Variants in LGSN observed in about 807,000 individuals in gnomAD.
The protein encoded by LGSN is lengsin.
A neutral mutation model predicts 19.5 loss-of-function variants in LGSN; 21 were observed. The ratio of observed to expected loss-of-function variants is 1.07; its 90% CI spans 0.76 to 1.55. LGSN has a LOEUF of 1.55. LGSN is among the 40% of genes most tolerant of loss of function. The pLI is 0.00. For synonymous variants in LGSN, 257 were observed against 215.6 expected (o/e 1.19, Z -1.68); for missense variants, 673 against 608.5 (o/e 1.11, Z -1.12).
At chr6:63,313,746 G>T (rs1768723906) in intron 1 of LGSN, among the ~76,000 whole-genome samples, 1 of 152,034 alleles carries the variant, frequency 6.6e-6, no homozygotes, top group Non-Finnish European at 1.5e-5. Flanking sequence ...TGAGGCACAA[G>T]AATCACTTGA....
chr6:63,403,419 T>C, the LGSN span, among the ~76,000 whole-genome samples: 2 of 152,238 alleles, frequency 1.3e-5, no homozygotes, highest in South Asian at 2.1e-4. Flanking sequence ...ATTTGTAGTA[T>C]TAAATGCCTA....
intron 2 of LGSN, among the ~76,000 whole-genome samples, chr6:63,294,629 GTC>G (rs1749272803): frequency 6.6e-6 from 1 of 151,114 alleles, no homozygotes. Context: ...GCAGAAAACT[GTC>G]TCTCTTCCTA....
At chr6:63,332,606 G>C in the LGSN span, among the ~76,000 whole-genome samples, 1 of 152,166 alleles carries the variant, frequency 6.6e-6, no homozygotes, top group Non-Finnish European at 1.5e-5. Flanking sequence ...TTCCTGGAAA[G>C]CCTGACACCC....
At chr6:63,522,748 C>T in the LGSN span, among the ~76,000 whole-genome samples, 1 of 152,034 alleles carries the variant, frequency 6.6e-6, no homozygotes, top group Admixed American at 6.6e-5. Context: ...GGGGAGATAC[C>T]ATATTACTGT....
At chr6:63,449,494 G>A in the LGSN span, among the ~76,000 whole-genome samples, 6 of 149,678 alleles carry the variant, frequency 4.0e-5, no homozygotes, top group Non-Finnish European at 7.4e-5. Context: ...GCAGTGAGCC[G>A]AGATCACACC....
the LGSN span, among the ~76,000 whole-genome samples, chr6:63,376,439 TAA>T: frequency 6.6e-6 from 1 of 152,166 alleles, no homozygotes; most frequent in Non-Finnish European, 1.5e-5. Context: ...TTACAAAGGG[TAA>T]AGATTGCCTT....
chr6:63,332,665 G>C, the LGSN span, among the ~76,000 whole-genome samples: 1 of 152,106 alleles, frequency 6.6e-6, no homozygotes. Flanking sequence ...TGGCCGACAG[G>C]TGCCCGGTAT....
At chr6:63,491,532 TC>T in the LGSN span, among the ~76,000 whole-genome samples, 14 of 152,178 alleles carry the variant, frequency 9.2e-5, no homozygotes, top group African/African-American at 3.1e-4. Context: ...TCTTTTTCAA[TC>T]AAATTTAGGC....
chr6:63,306,557 A>G (rs1275001425), intron 1 of LGSN, among the ~76,000 whole-genome samples: 2 of 152,252 alleles, frequency 1.3e-5, no homozygotes, highest in Non-Finnish European at 2.9e-5. Context: ...ACATAAAAAT[A>G]AACAAAACAT....
the LGSN span, among the ~76,000 whole-genome samples, chr6:63,554,048 G>A: frequency 1.3e-5 from 2 of 152,130 alleles, no homozygotes; most frequent in Admixed American, 6.6e-5. Context: ...ATCTGAGGAG[G>A]GGAGGAGTAA....
the LGSN span, among the ~76,000 whole-genome samples, chr6:63,520,084 A>T: frequency 6.6e-6 from 1 of 152,250 alleles, no homozygotes. Flanking sequence ...TTGCGAGAAC[A>T]TAATTATCAA....
the LGSN span, among the ~76,000 whole-genome samples, chr6:63,496,739 C>T: frequency 1.3e-5 from 2 of 151,486 alleles, no homozygotes. Flanking sequence ...AAGCATGAGT[C>T]ACCATGCCCA....
intron 1 of LGSN, among the ~76,000 whole-genome samples, chr6:63,315,635 T>C (rs1389303913): frequency 6.6e-6 from 1 of 151,186 alleles, no homozygotes; most frequent in Admixed American, 6.6e-5. Flanking sequence ...TGTGTGTGTG[T>C]GTGTGTGTGT....
At chr6:63,553,330 G>A in the LGSN span, among the ~76,000 whole-genome samples, 95 of 152,192 alleles carry the variant, frequency 6.2e-4, no homozygotes, top group African/African-American at 2.0e-3. Flanking sequence ...TTAGCGACTC[G>A]GGTTCAGATA....
the LGSN span, among the ~76,000 whole-genome samples, chr6:63,391,147 T>A: frequency 7.2e-5 from 11 of 152,226 alleles, no homozygotes; most frequent in Admixed American, 4.6e-4. Flanking sequence ...ATCTCGTTTT[T>A]AAAAAATATG....
At chr6:63,346,480 T>C in the LGSN span, among the ~76,000 whole-genome samples, 1 of 152,106 alleles carries the variant, frequency 6.6e-6, no homozygotes, top group Non-Finnish European at 1.5e-5. Flanking sequence ...CCTTCCCCCA[T>C]ATCTTGCCTA....
chr6:63,536,192 G>A, the LGSN span, among the ~76,000 whole-genome samples: 2 of 152,112 alleles, frequency 1.3e-5, no homozygotes, highest in African/African-American at 2.4e-5. Flanking sequence ...TTAGCTGGGC[G>A]TGGTGGCGGG....
intron 1 of LGSN, among the ~76,000 whole-genome samples, chr6:63,313,060 T>C (rs1299254099): frequency 1.3e-5 from 2 of 151,966 alleles, no homozygotes; most frequent in African/African-American, 2.4e-5. Flanking sequence ...GTGGTTGGAA[T>C]TATTAAGGGA....
rs934695150 is a variant in LGSN, at chr6:63,285,840, T to C, written c.164-87A>G. On this transcript the variant is annotated intron_variant, in intron 2 of 3. Transcript: ENST00000370657. ...GACTGGAGACTAGTGAATTAGTCAA[T>C]ATTATTAACAAAAACATTATATATT... is the stretch of plus-strand genomic sequence containing the variant. The C allele has an allele frequency of 4.1e-6, 4 of 976,170 alleles. No individual in the cohort carries two copies. The African/African-American group carries it at 5.0e-5, about 12-fold the overall frequency. The allele number at this position is 976,170 out of a possible 1,614,324, so 60.5% of individuals were successfully genotyped here.
Sources: gnomAD v4.1 joint callset for allele counts (sites outside exome capture counted in the v4.1 genomes callset) on GRCh38, gnomAD v4.1.1 for gene constraint, MANE v1.5 for transcripts, NCBI Gene and HGNC (gene_info 2026-07-23, HGNC 2026-07-21) for gene names.